Variants in ADAMTS9 observed in about 807,000 individuals in gnomAD.
The protein encoded by ADAMTS9 is ADAM metallopeptidase with thrombospondin type 1 motif 9.
A neutral mutation model predicts 257.1 loss-of-function variants in ADAMTS9; 107 were observed. That is an observed-to-expected ratio of 0.42 (90% CI 0.36 to 0.49). The LOEUF (loss-of-function observed/expected upper bound fraction) is 0.49, where lower values mean the gene tolerates loss of function less well. Ranked by LOEUF, ADAMTS9 falls within the 20% of genes least tolerant of loss-of-function variation. The pLI is 0.03. For missense variants in ADAMTS9, 2,353 were observed against 2,469.1 expected (o/e 0.95, Z 1.00); for synonymous variants, 982 against 880.9 (o/e 1.11, Z -2.03).
chr3:64,578,635 G>A (rs775109158), intron 28 of ADAMTS9, among the ~76,000 whole-genome samples: 16 of 152,098 alleles, frequency 1.1e-4, no homozygotes, highest in Non-Finnish European at 2.1e-4. Flanking sequence ...AAGTGATGAC[G>A]CCTACACATC....
At chr3:64,583,388 G>A in intron 28 of ADAMTS9, 1 of 152,158 alleles carries the variant, frequency 6.6e-6, no homozygotes, top group East Asian at 1.9e-4. Context: ...CATTTTATGG[G>A]AAATTCAACT....
intron 2 of ADAMTS9, 93 bp from the exon 3 acceptor site, chr3:64,681,456 C>A (rs963765650): frequency 6.1e-6 from 8 of 1,318,772 alleles, no homozygotes; most frequent in Non-Finnish European, 8.2e-6. Context: ...GAGATGGTGT[C>A]ATTTTACCCA....
intron 39 of ADAMTS9, 21 bp downstream of exon 39, chr3:64,522,145 G>A (rs766441274): frequency 6.2e-7 from 1 of 1,600,552 alleles, no homozygotes. Context: ...TACACAGACA[G>A]ACAGACATAG....
Position 64,641,629 on chromosome 3 carries a change from T to C in ADAMTS9, c.1856+219A>G, listed in dbSNP as rs140087924. On this transcript the variant is annotated intron_variant, in intron 12 of 39. Transcript: ENST00000498707. ...ACAAAACCATCACCTGTTTGGTAGA[T>C]AAAACTTTGAATAACAAAGGATCTT... is the stretch of plus-strand genomic sequence containing the variant. Among the ~76,000 whole-genome samples the C allele has an allele frequency of 2.1e-3, 326 of 151,746 alleles. 12 individuals are homozygous for C. In the East Asian group the frequency reaches 0.049, roughly 23 times the overall value.
rs1701007301 is a variant in ADAMTS9 at position 64,654,411 on chromosome 3, T to C, written c.1258A>G (p.Ile420Val). The stretch of plus-strand genomic sequence containing the variant: ...GTACTCAATCCACTATCTTCACTAA[T>C]AGAACAGCTTCTATAGGGATCACAA... ...TICDPYRSCS[I>V]SEDSGLSTAF... The change falls in exon 8 of 40, where the codon ATT (isoleucine) becomes GTT (valine). Residue 420 changes from isoleucine to valine, a missense_variant. This residue lies in a region of ADAMTS9 where 591 missense variants were observed against 569.6 expected (regional missense o/e 1.04). Coordinates refer to ENST00000498707, the MANE Select transcript of ADAMTS9 (RefSeq NM_182920.2). The C allele has an allele frequency of 1.9e-6, 3 of 1,613,986 alleles. No homozygotes were observed. The highest frequency in any genetic ancestry group is 1.3e-5 in the African/African-American group (1 of 74,892).
chr3:64,681,735 G>C (rs1701762281), intron 2 of ADAMTS9, among the ~76,000 whole-genome samples: 3 of 152,054 alleles, frequency 2.0e-5, no homozygotes, highest in Non-Finnish European at 4.4e-5. Flanking sequence ...GTAGAGATGG[G>C]GGTCTCAATA....
intron 30 of ADAMTS9, among the ~76,000 whole-genome samples, chr3:64,552,658 G>A (rs374534455): frequency 4.7e-5 from 7 of 149,422 alleles, no homozygotes; most frequent in Admixed American, 2.7e-4. Context: ...CTATAGCCTC[G>A]ACTTCCCTCC....
rs147069635 is a variant in ADAMTS9 at position 64,556,242 on chromosome 3, G to C, written c.4699-5180C>G. On this transcript the variant is annotated intron_variant, in intron 30 of 39. Coordinates refer to ENST00000498707, the MANE Select transcript of ADAMTS9 (RefSeq NM_182920.2). ...CAACAGTCAGACATATCTGAGCACA[G>C]CTTGTCCATGGCATTGTGAGAAGAA... is the stretch of plus-strand genomic sequence containing the variant. Among the ~76,000 whole-genome samples, 417 of 152,314 alleles carry C rather than the reference G, an allele frequency of 2.7e-3. 1 individual carries two copies. Among genetic ancestry groups the C allele is most frequent in the Non-Finnish European group, 3.4e-3 (234 of 68,022 alleles).
chr3:64,527,319 C>G (rs74572746), intron 38 of ADAMTS9, among the ~76,000 whole-genome samples: 3,446 of 152,180 alleles, frequency 0.023, 129 homozygotes, highest in African/African-American at 0.076. Flanking sequence ...GTATTTCATA[C>G]TTTTCACTAA....
chr3:64,557,243 G>A (rs1219200799), intron 30 of ADAMTS9, among the ~76,000 whole-genome samples: 1 of 152,128 alleles, frequency 6.6e-6, no homozygotes, highest in Admixed American at 6.5e-5. Flanking sequence ...GGTAAAGGGG[G>A]AAAAGAACAC....
chr3:64,643,665 A>G (rs1700716359), intron 11 of ADAMTS9, among the ~76,000 whole-genome samples: 1 of 151,712 alleles, frequency 6.6e-6, no homozygotes, highest in African/African-American at 2.4e-5. Flanking sequence ...GGGTCTTAGT[A>G]TGTTGCCCAG....
chr3:64,652,808 TC>T (rs1700965773), intron 8 of ADAMTS9, among the ~76,000 whole-genome samples: 1 of 152,158 alleles, frequency 6.6e-6, no homozygotes, highest in South Asian at 2.1e-4. Context: ...AGGTTGAACA[TC>T]CCTAATCTCA....
At chr3:64,625,760 C>A (rs1700208851) in intron 16 of ADAMTS9, among the ~76,000 whole-genome samples, 1 of 152,162 alleles carries the variant, frequency 6.6e-6, no homozygotes, top group African/African-American at 2.4e-5. Flanking sequence ...AAAATACCCT[C>A]CAACTTCTTG....
rs2083421012 is a variant in ADAMTS9, at chr3:64,561,438, T to C, written c.4698+140A>G. The C allele has an allele frequency of 2.9e-5, 27 of 919,846 alleles. No homozygotes were observed. In the South Asian group the frequency reaches 5.4e-4, roughly 19 times the overall value. 57.0% of individuals were successfully genotyped at this position (919,846 alleles called of 1,614,324 possible). On this transcript the variant is annotated intron_variant, in intron 30 of 39. Transcript: ENST00000498707. ...CCTTGTTGGAGCGAATGCGCGAGTCTGACAGTGAACCTTTTGGGAAAGAGC... is the reference window on the plus strand; with the variant it reads ...CCTTGTTGGAGCGAATGCGCGAGTCCGACAGTGAACCTTTTGGGAAAGAGC...
intron 3 of ADAMTS9, among the ~76,000 whole-genome samples, chr3:64,678,845 T>A: frequency 6.6e-6 from 1 of 152,158 alleles, no homozygotes; most frequent in East Asian, 1.9e-4. Context: ...GGTGCAGAAG[T>A]AGCTGGAAGA....
chr3:64,561,847 T>G (rs2083432372), intron 29 of ADAMTS9, 96 bp from the exon 30 acceptor site: 1 of 1,066,968 alleles, frequency 9.4e-7, no homozygotes, highest in African/African-American at 1.6e-5. Context: ...AATGCACTCC[T>G]AATCCAATGA....
intron 28 of ADAMTS9, among the ~76,000 whole-genome samples, chr3:64,585,059 A>G (rs2084113263): frequency 6.6e-6 from 1 of 152,114 alleles, no homozygotes; most frequent in Admixed American, 6.6e-5. Context: ...ATTCATTTCA[A>G]CATTGTTTAT....
At chr3:64,619,549 T>C (rs915981614) in intron 19 of ADAMTS9, among the ~76,000 whole-genome samples, 1 of 152,138 alleles carries the variant, frequency 6.6e-6, no homozygotes, top group Non-Finnish European at 1.5e-5. Context: ...GTAAGAATAA[T>C]AATATATAAA....
intron 3 of ADAMTS9, among the ~76,000 whole-genome samples, chr3:64,672,499 A>G (rs1393597430): frequency 6.6e-6 from 1 of 152,190 alleles, no homozygotes; most frequent in Non-Finnish European, 1.5e-5. Flanking sequence ...CCTGGCTAAC[A>G]TGGCAAAACC....
Sources: allele counts gnomAD v4.1 joint callset (sites outside exome capture counted in the v4.1 genomes callset), GRCh38; gene constraint gnomAD v4.1.1; regional missense constraint gnomAD v4.1.1; transcripts MANE v1.5; gene names NCBI Gene and HGNC (gene_info 2026-07-23, HGNC 2026-07-21).